Variants in CDKAL1 observed in about 807,000 individuals in gnomAD.
The protein encoded by CDKAL1 is CDKAL1 threonylcarbamoyladenosine tRNA methylthiotransferase.
A neutral mutation model predicts 68.2 loss-of-function variants in CDKAL1; 32 were observed. That is an observed-to-expected ratio of 0.47 (90% CI 0.35 to 0.63). The LOEUF (loss-of-function observed/expected upper bound fraction) is 0.63, where lower values mean the gene tolerates loss of function less well. CDKAL1 is among the 30% of genes least tolerant of loss of function. The probability of loss-of-function intolerance (pLI) is 0.00; values close to 1 mark genes in which losing one functional copy is unlikely to be tolerated. For missense variants in CDKAL1, 606 were observed against 696.7 expected, an observed-to-expected ratio of 0.87 and a Z score of 1.47; for synonymous variants, 234 against 244.3, an observed-to-expected ratio of 0.96 and a Z score of 0.39.
intron 4 of CDKAL1, among the ~76,000 whole-genome samples, chr6:20,562,619 G>A (rs907935579): frequency 6.6e-6 from 1 of 151,938 alleles, no homozygotes; most frequent in African/African-American, 2.4e-5. Context: ...GTGGGCGCCT[G>A]TAATCCCAGC....
intron 9 of CDKAL1, among the ~76,000 whole-genome samples, chr6:20,915,082 A>G (rs1180838876): frequency 6.6e-6 from 1 of 152,072 alleles, no homozygotes; most frequent in African/African-American, 2.4e-5. Flanking sequence ...ATCCTTAGCT[A>G]TCCAATATGT....
At chr6:21,175,594 A>G (rs768623894) in intron 13 of CDKAL1, among the ~76,000 whole-genome samples, 3 of 152,198 alleles carry the variant, frequency 2.0e-5, no homozygotes, top group Non-Finnish European at 2.9e-5. Context: ...CAAAGGCTAC[A>G]TGGTTATGTG....
At chr6:20,626,193 A>G (rs1358305086) in intron 4 of CDKAL1, among the ~76,000 whole-genome samples, 8 of 151,954 alleles carry the variant, frequency 5.3e-5, no homozygotes, top group Admixed American at 1.3e-4. Flanking sequence ...TTTTTTTCCA[A>G]TGCCTCTGTT....
chr6:21,228,739 T>C (rs1056932990), intron 15 of CDKAL1, among the ~76,000 whole-genome samples: 1 of 152,216 alleles, frequency 6.6e-6, no homozygotes, highest in African/African-American at 2.4e-5. Flanking sequence ...GGAACTCACA[T>C]AGTTCCTATC....
At chr6:20,916,008 A>C (rs1277899170) in intron 9 of CDKAL1, among the ~76,000 whole-genome samples, 1 of 152,212 alleles carries the variant, frequency 6.6e-6, no homozygotes, top group Admixed American at 6.5e-5. Flanking sequence ...AGAAAAGATT[A>C]ATGACTGCTG....
chr6:21,212,019 T>TCCCAGCC (rs1779168246), intron 15 of CDKAL1, among the ~76,000 whole-genome samples: 2 of 152,090 alleles, frequency 1.3e-5, no homozygotes, highest in Non-Finnish European at 2.9e-5. Flanking sequence ...CCTCAGCCTC[T>TCCCAGCC]TAGAGTGCTG....
intron 9 of CDKAL1, among the ~76,000 whole-genome samples, chr6:20,886,186 AC>A (rs1761059711): frequency 6.6e-6 from 1 of 152,230 alleles, no homozygotes. Flanking sequence ...GCAAATCAAA[AC>A]CCTTCAGACT....
At chr6:20,783,494 A>C (rs1254692776) in intron 8 of CDKAL1, among the ~76,000 whole-genome samples, 3 of 152,066 alleles carry the variant, frequency 2.0e-5, no homozygotes, top group Non-Finnish European at 2.9e-5. Context: ...GAAATTCTCA[A>C]AACTCCAGAT....
chr6:20,644,095 A>G (rs1044616706), intron 4 of CDKAL1, among the ~76,000 whole-genome samples: 1 of 150,390 alleles, frequency 6.6e-6, no homozygotes, highest in Non-Finnish European at 1.5e-5. Context: ...TGCCTCCTGC[A>G]GTGCTGGAAT....
At chr6:20,871,638 CAGA>C (rs1760222211) in intron 9 of CDKAL1, among the ~76,000 whole-genome samples, 1 of 152,154 alleles carries the variant, frequency 6.6e-6, no homozygotes, top group Admixed American at 6.5e-5. Context: ...ATGATTAGGC[CAGA>C]AGGTTTGTGC....
intron 13 of CDKAL1, among the ~76,000 whole-genome samples, chr6:21,154,184 A>G (rs73733582): frequency 0.031 from 4,759 of 152,202 alleles, 251 homozygotes; most frequent in African/African-American, 0.11. Flanking sequence ...GCGTGTAAGT[A>G]CTGGTTAAAT....
chr6:21,211,425 A>G (rs549089330), intron 15 of CDKAL1, among the ~76,000 whole-genome samples: 12 of 152,336 alleles, frequency 7.9e-5, no homozygotes, highest in Admixed American at 7.8e-4. Flanking sequence ...CTAACATAAC[A>G]GAGGTTTATT....
chr6:20,756,910 T>TCC (rs1276159128), intron 6 of CDKAL1: 1 of 122,212 alleles, frequency 8.2e-6, no homozygotes, highest in African/African-American at 3.1e-5. Flanking sequence ...CTTCCTTCCT[T>TCC]CCTTCCTTCC....
intron 6 of CDKAL1, among the ~76,000 whole-genome samples, chr6:20,757,355 T>G (rs1388833133): frequency 6.6e-6 from 1 of 152,136 alleles, no homozygotes; most frequent in African/African-American, 2.4e-5. Flanking sequence ...TATGGATGCA[T>G]GCATCACATC....
chr6:20,896,098 C>CTTTTTTTTTTTTTTTTTTTT (rs1291895133), intron 9 of CDKAL1, among the ~76,000 whole-genome samples: 23 of 104,124 alleles, frequency 2.2e-4, no homozygotes, highest in South Asian at 6.6e-4. Flanking sequence ...CTTTTCTTTT[C>CTTTTTTTTTTTTTTTTTTTT]TTTTCTTTTT....
At chr6:20,610,937 A>G (rs899285000) in intron 4 of CDKAL1, among the ~76,000 whole-genome samples, 8 of 152,134 alleles carry the variant, frequency 5.3e-5, no homozygotes, top group Non-Finnish European at 1.2e-4. Flanking sequence ...AGCCTCCTGA[A>G]TAGCTTGGAC....
intron 4 of CDKAL1, among the ~76,000 whole-genome samples, chr6:20,644,895 A>G (rs72830669): frequency 0.13 from 20,124 of 152,166 alleles, 1,570 homozygotes; most frequent in East Asian, 0.38. Context: ...CTATTTTGTT[A>G]TCATGCGAAC....
At chr6:20,783,298 G>T (rs1377841848) in intron 8 of CDKAL1, among the ~76,000 whole-genome samples, 7 of 152,130 alleles carry the variant, frequency 4.6e-5, no homozygotes, top group Non-Finnish European at 1.5e-5. Flanking sequence ...TAAAACATTA[G>T]TATTTCAGGG....
chr6:20,956,955 A>C (rs749096277), intron 10 of CDKAL1, among the ~76,000 whole-genome samples: 1 of 148,372 alleles, frequency 6.7e-6, no homozygotes, highest in Non-Finnish European at 1.5e-5. Flanking sequence ...CAGGCATGTC[A>C]ACTTTTACTT....
Sources: allele counts gnomAD v4.1 joint callset (sites outside exome capture counted in the v4.1 genomes callset), GRCh38; gene constraint gnomAD v4.1.1; transcripts MANE v1.5; gene names NCBI Gene and HGNC (gene_info 2026-07-23, HGNC 2026-07-21).